Variants in TSHZ2 observed in about 807,000 individuals in gnomAD.
TSHZ2 encodes the protein teashirt homolog 2.
Under a neutral mutation model 74.4 loss-of-function variants are expected in TSHZ2, and 21 were observed. The observed-to-expected ratio is 0.28, with a 90% CI of 0.20 to 0.41. TSHZ2 has a LOEUF of 0.41. Among genes scored for constraint, TSHZ2 ranks in the 10% least tolerant of loss-of-function variants. The pLI is 1.00. For missense variants in TSHZ2, 1,244 were observed against 1,293.5 expected, an observed-to-expected ratio of 0.96 and a Z score of 0.59; for synonymous variants, 540 against 515.3, an observed-to-expected ratio of 1.05 and a Z score of -0.65.
intron 2 of TSHZ2, chr20:53,400,347 G>A (rs1450066510): frequency 6.6e-6 from 1 of 152,226 alleles, no homozygotes. Context: ...CAAAGTGCTT[G>A]TTGAATGTCT....
chr20:53,257,567 A>T (rs1406008369), intron 2 of TSHZ2, among the ~76,000 whole-genome samples: 1 of 152,228 alleles, frequency 6.6e-6, no homozygotes, highest in Non-Finnish European at 1.5e-5. Context: ...AATGTTGAGG[A>T]TAAGCAAGGC....
intron 1 of TSHZ2, among the ~76,000 whole-genome samples, chr20:52,982,796 C>G (rs148946926): frequency 1.3e-5 from 2 of 152,058 alleles, no homozygotes; most frequent in African/African-American, 4.8e-5. Flanking sequence ...GTCAGGGGAG[C>G]TATTTCTCCA....
intron 1 of TSHZ2, among the ~76,000 whole-genome samples, chr20:53,204,995 G>A (rs1460944773): frequency 6.6e-6 from 1 of 151,772 alleles, no homozygotes; most frequent in African/African-American, 2.4e-5. Context: ...GGAGGCTGAG[G>A]CAGGAGAATC....
intron 2 of TSHZ2, among the ~76,000 whole-genome samples, chr20:53,379,741 A>G (rs1981790809): frequency 6.6e-6 from 1 of 152,190 alleles, no homozygotes; most frequent in South Asian, 2.1e-4. Context: ...CCATGGGGAG[A>G]AAAGTCAAAA....
intron 2 of TSHZ2, among the ~76,000 whole-genome samples, chr20:53,321,195 G>A (rs981973125): frequency 9.2e-5 from 14 of 152,054 alleles, no homozygotes; most frequent in African/African-American, 3.4e-4. Flanking sequence ...ATTACACAAT[G>A]TTCATAGTAA....
At chr20:53,380,270 G>A (rs1409489950) in intron 2 of TSHZ2, among the ~76,000 whole-genome samples, 1 of 151,974 alleles carries the variant, frequency 6.6e-6, no homozygotes, top group East Asian at 1.9e-4. Context: ...GGTGATTTTA[G>A]GTAAAATGTG....
chr20:53,461,801 G>T (rs999671340), intron 2 of TSHZ2, among the ~76,000 whole-genome samples: 3 of 152,122 alleles, frequency 2.0e-5, no homozygotes, highest in Admixed American at 6.5e-5. Context: ...ATTACTTCAT[G>T]GTTACCAGGA....
intron 1 of TSHZ2, among the ~76,000 whole-genome samples, chr20:53,150,998 C>G (rs2033823597): frequency 6.6e-6 from 1 of 152,174 alleles, no homozygotes. Context: ...AGTGACTTAA[C>G]TAATTACCCT....
At chr20:53,205,765 T>TA (rs1477589566) in intron 1 of TSHZ2, among the ~76,000 whole-genome samples, 2 of 152,146 alleles carry the variant, frequency 1.3e-5, no homozygotes, top group African/African-American at 2.4e-5. Flanking sequence ...CATCTGCTTC[T>TA]AAAAAATATT....
intron 1 of TSHZ2, among the ~76,000 whole-genome samples, chr20:53,081,661 C>T (rs916424104): frequency 3.9e-5 from 6 of 152,290 alleles, no homozygotes; most frequent in Admixed American, 1.3e-4. Flanking sequence ...TTATTTATCA[C>T]GGTGTTTATA....
chr20:53,207,139 A>G (rs1184393494), intron 1 of TSHZ2, among the ~76,000 whole-genome samples: 3 of 152,164 alleles, frequency 2.0e-5, no homozygotes, highest in African/African-American at 7.2e-5. Flanking sequence ...TGATGCCCTA[A>G]TAAACATACA....
At chr20:53,060,373 C>T (rs992812156) in intron 1 of TSHZ2, among the ~76,000 whole-genome samples, 11 of 152,298 alleles carry the variant, frequency 7.2e-5, no homozygotes, top group African/African-American at 2.2e-4. Flanking sequence ...ACATAAAAAA[C>T]ACTTCACTAC....
At position 53,204,407 on chromosome 20, in the gene TSHZ2, C is replaced by CATT. The variant is rs1568811253; in HGVS notation, c.41-49090_41-49089insTAT. Among the ~76,000 whole-genome samples, 260 of 132,206 alleles carry CATT rather than the reference C, an allele frequency of 2.0e-3. 25 individuals are homozygous for CATT. The highest frequency in any genetic ancestry group is 7.1e-3 in the African/African-American group (245 of 34,298). The allele number at this position is 132,206 out of a possible 152,430, so 86.7% of individuals were successfully genotyped here. On this transcript the variant is annotated intron_variant, in intron 1 of 2. Coordinates refer to ENST00000371497, the MANE Select transcript of TSHZ2 (RefSeq NM_173485.6). ...GATATGATACTATATCATCATATAA[C>CATT]ATGATGATATGATACTATTATATCA...
intron 1 of TSHZ2, among the ~76,000 whole-genome samples, chr20:53,186,330 A>C (rs1944323918): frequency 6.6e-6 from 1 of 152,252 alleles, no homozygotes. Flanking sequence ...GGTTTAAGCC[A>C]TCGGTGTTCA....
intron 1 of TSHZ2, among the ~76,000 whole-genome samples, chr20:53,058,349 AT>A (rs1483472741): frequency 6.6e-6 from 1 of 152,156 alleles, no homozygotes; most frequent in Admixed American, 6.5e-5. Flanking sequence ...AACACAGCCA[AT>A]TTCCCCCAAG....
At chr20:52,975,391 A>G (rs1474641580) in intron 1 of TSHZ2, among the ~76,000 whole-genome samples, 2 of 152,152 alleles carry the variant, frequency 1.3e-5, no homozygotes, top group African/African-American at 2.4e-5. Flanking sequence ...TTTGATTATA[A>G]TTATCCTACG....
intron 1 of TSHZ2, among the ~76,000 whole-genome samples, chr20:53,116,449 C>T (rs1030247389): frequency 5.3e-5 from 8 of 152,178 alleles, no homozygotes; most frequent in Non-Finnish European, 1.0e-4. Flanking sequence ...ACTACAACCT[C>T]GCTCATTCTC....
intron 2 of TSHZ2, among the ~76,000 whole-genome samples, chr20:53,298,665 T>G (rs558282654): frequency 6.6e-6 from 1 of 152,134 alleles, no homozygotes; most frequent in Non-Finnish European, 1.5e-5. Flanking sequence ...GAGAGGACCT[T>G]GAGAAGTCAC....
chr20:53,376,259 G>C (rs994122336), intron 2 of TSHZ2, among the ~76,000 whole-genome samples: 9 of 152,214 alleles, frequency 5.9e-5, no homozygotes, highest in African/African-American at 2.2e-4. Context: ...TCTGGACTAA[G>C]AAGTTTCCCA....
Sources: allele counts gnomAD v4.1 joint callset (sites outside exome capture counted in the v4.1 genomes callset), GRCh38; gene constraint gnomAD v4.1.1; transcripts MANE v1.5; gene names NCBI Gene and HGNC (gene_info 2026-07-23, HGNC 2026-07-21).